NEURL1: variants seen among roughly 807,000 people sequenced by gnomAD.
NEURL1 encodes the protein neuralized E3 ubiquitin protein ligase 1.
NEURL1 carries 26 observed loss-of-function variants against 41.2 expected under a neutral mutation model. That is an observed-to-expected ratio of 0.63 (90% CI 0.46 to 0.87). The LOEUF is 0.87. NEURL1 is among the 40% of genes least tolerant of loss of function. NEURL1 has a pLI of 0.00. For missense variants in NEURL1, 761 were observed against 871.1 expected (o/e 0.87, Z 1.59); for synonymous variants, 400 against 402.3 (o/e 0.99, Z 0.07).
intron 3 of NEURL1, among the ~76,000 whole-genome samples, chr10:103,574,853 C>T (rs900357022): frequency 1.3e-5 from 2 of 152,190 alleles, no homozygotes; most frequent in African/African-American, 4.8e-5. Context: ...CCTCTCTGCA[C>T]ACCCGATAAG....
Position 103,571,429 on chromosome 10 carries a change from C to T in NEURL1, c.328-72C>T, listed in dbSNP as rs899468599. ...CTGTGGGATGCTCCAGGGAGTCCAC[C>T]GCAGGGAGGCTGCCCTTGGTCTGAT... On this transcript the variant is annotated intron_variant, in intron 2 of 5. Coordinates refer to ENST00000369780, the MANE Select transcript of NEURL1 (RefSeq NM_004210.5). 18 of 1,453,248 alleles carry T rather than the reference C, an allele frequency of 1.2e-5. No individual in the cohort carries two copies. In the Admixed American group the frequency reaches 1.6e-4, roughly 13 times the overall value. The allele number at this position is 1,453,248 out of a possible 1,614,324, so 90.0% of individuals were successfully genotyped here.
At chr10:103,502,200 T>G (rs1419045505) in intron 1 of NEURL1, among the ~76,000 whole-genome samples, 1 of 152,222 alleles carries the variant, frequency 6.6e-6, no homozygotes. Context: ...GCGAGGAAAC[T>G]GATCTTGGGG....
At chr10:103,583,007 C>T (rs1433985075) in intron 3 of NEURL1, among the ~76,000 whole-genome samples, 1 of 152,122 alleles carries the variant, frequency 6.6e-6, no homozygotes, top group Non-Finnish European at 1.5e-5. Context: ...AACACTTCCA[C>T]GGGCTGCCGT....
intron 1 of NEURL1, chr10:103,555,387 G>T (rs753854578): frequency 7.4e-7 from 1 of 1,359,854 alleles, no homozygotes; most frequent in Admixed American, 1.9e-5. Flanking sequence ...GAGATGGGGG[G>T]ACAGATCACC....
chr10:103,526,053 G>A (rs1177943886), intron 1 of NEURL1, among the ~76,000 whole-genome samples: 1 of 152,142 alleles, frequency 6.6e-6, no homozygotes, highest in Non-Finnish European at 1.5e-5. Context: ...TGTGTTTATT[G>A]ACTTGTGTAT....
chr10:103,584,501 G>C (rs776931216), intron 3 of NEURL1, 35 bp from the exon 4 acceptor site: 4 of 1,293,192 alleles, frequency 3.1e-6, no homozygotes, highest in Non-Finnish European at 2.9e-6. Flanking sequence ...CCTCCCGAGA[G>C]CCCTGCGTGA....
At chr10:103,553,047 G>C (rs1398075601) in intron 1 of NEURL1, among the ~76,000 whole-genome samples, 1 of 152,224 alleles carries the variant, frequency 6.6e-6, no homozygotes, top group Non-Finnish European at 1.5e-5. Flanking sequence ...GGAAGGCCAG[G>C]CTGGCATGTG....
chr10:103,506,367 A>G (rs1199412292), intron 1 of NEURL1, among the ~76,000 whole-genome samples: 2 of 152,136 alleles, frequency 1.3e-5, no homozygotes, highest in Non-Finnish European at 2.9e-5. Context: ...AGGATATTCT[A>G]GCTGATTCAT....
intron 3 of NEURL1, among the ~76,000 whole-genome samples, chr10:103,572,450 A>G (rs981795397): frequency 2.0e-5 from 3 of 152,230 alleles, no homozygotes; most frequent in African/African-American, 4.8e-5. Context: ...TGGGGGAGCT[A>G]AGACTCTTGG....
At chr10:103,551,811 A>G (rs535845970) in intron 1 of NEURL1, among the ~76,000 whole-genome samples, 1 of 152,278 alleles carries the variant, frequency 6.6e-6, no homozygotes, top group South Asian at 2.1e-4. Flanking sequence ...CGTCTGTGGG[A>G]AAACCCTTTT....
In NEURL1 at chr10:103,566,143, G is replaced by A. The variant is rs1205579358; in HGVS notation, c.86-4729G>A. Among the ~76,000 whole-genome samples the A allele has an allele frequency of 6.6e-6, 1 of 151,696 alleles. No homozygotes were observed. The highest frequency in any genetic ancestry group is 1.9e-4 in the East Asian group (1 of 5,188). On this transcript the variant is annotated intron_variant, in intron 1 of 5. Coordinates refer to ENST00000369780, the MANE Select transcript of NEURL1 (RefSeq NM_004210.5). This position sits in a 1 kb window ranked among gnomAD's most constrained non-coding sequence, Gnocchi z 4.2. ...CATGCTCTGTCACCCAGGCTGAAGT[G>A]CAGTGGTGCTATCATAGCTCACTGC...
chr10:103,512,509 G>A (rs1201925264), intron 1 of NEURL1, among the ~76,000 whole-genome samples: 3 of 152,204 alleles, frequency 2.0e-5, no homozygotes, highest in Non-Finnish European at 4.4e-5. Context: ...TTCTAAGATG[G>A]GAACTGGCTG....
At chr10:103,509,901 G>A (rs907862579) in intron 1 of NEURL1, among the ~76,000 whole-genome samples, 21 of 152,168 alleles carry the variant, frequency 1.4e-4, no homozygotes, top group Admixed American at 3.9e-4. Flanking sequence ...GCAGGTTTCC[G>A]TTTCAGGGTC....
chr10:103,523,901 A>T (rs1430991585), intron 1 of NEURL1, among the ~76,000 whole-genome samples: 1 of 152,194 alleles, frequency 6.6e-6, no homozygotes, highest in Non-Finnish European at 1.5e-5. Flanking sequence ...TGCTGCAATA[A>T]ACATGGGCGT....
chr10:103,515,703 T>C (rs958026137), intron 1 of NEURL1, among the ~76,000 whole-genome samples: 18 of 152,198 alleles, frequency 1.2e-4, no homozygotes, highest in African/African-American at 4.3e-4. Context: ...AGATGACGAA[T>C]GAACTAGTGT....
Position 103,584,549 on chromosome 10 carries a change from G to T in NEURL1, c.663G>T (p.Val221=). ...RGVQLLDSEL[V]LPDCLRPRSF... is the part of the protein sequence containing the mutation. ...TCTCCCGCGCAGATAGCGAGCTGGT[G>T]CTCCCGGACTGTCTGCGGCCGCGCT... Residue 221 remains valine, a synonymous_variant, in exon 4 of 6, where the codon GTG becomes GTT. Transcript: ENST00000369780. The T allele has an allele frequency of 7.2e-7, 1 of 1,391,180 alleles. No individual in the cohort carries two copies. 86.2% of individuals were successfully genotyped at this position (1,391,180 alleles called of 1,614,324 possible).
At chr10:103,519,443 T>C (rs2034295352) in intron 1 of NEURL1, among the ~76,000 whole-genome samples, 1 of 152,200 alleles carries the variant, frequency 6.6e-6, no homozygotes, top group South Asian at 2.1e-4. Context: ...TTAAATTTTG[T>C]TTCCTTCTCA....
At chr10:103,562,365 C>G (rs746339620) in intron 1 of NEURL1, among the ~76,000 whole-genome samples, 2 of 152,116 alleles carry the variant, frequency 1.3e-5, no homozygotes, top group African/African-American at 2.4e-5. Context: ...CCTGGGTGAC[C>G]GAGCCAGACT....
chr10:103,555,459 A>G, intron 1 of NEURL1: 1 of 1,331,882 alleles, frequency 7.5e-7, no homozygotes, highest in Admixed American at 2.1e-5. Flanking sequence ...CCAGCCCGAG[A>G]CCGCCTGGGG....
Sources: gnomAD v4.1 joint callset for allele counts (sites outside exome capture counted in the v4.1 genomes callset) on GRCh38, gnomAD v4.1.1 for gene constraint, Gnocchi (gnomAD v3.1) non-coding constraint, MANE v1.5 for transcripts, NCBI Gene and HGNC (gene_info 2026-07-23, HGNC 2026-07-21) for gene names.